The following PITPNM2 variants were observed in gnomAD, a reference collection of about 807,000 sequenced individuals.
The protein encoded by PITPNM2 is membrane-associated phosphatidylinositol transfer protein 2.
Under a neutral mutation model 132.2 loss-of-function variants are expected in PITPNM2, and 35 were observed. That is an observed-to-expected ratio of 0.26 (90% CI 0.20 to 0.35). The LOEUF is 0.35. PITPNM2 is among the 10% of genes least tolerant of loss of function. The pLI, the probability that PITPNM2 is intolerant of heterozygous loss-of-function variation, is 1.00. For synonymous variants in PITPNM2, 738 were observed against 799.2 expected, an observed-to-expected ratio of 0.92 and a Z score of 1.29; for missense variants, 1,332 against 1,912.0, an observed-to-expected ratio of 0.70 and a Z score of 5.66.
intron 1 of PITPNM2, among the ~76,000 whole-genome samples, chr12:123,114,527 C>T (rs961901589): frequency 1.3e-5 from 2 of 150,464 alleles, no homozygotes; most frequent in Admixed American, 1.3e-4. Context: ...TGAGCACAGT[C>T]CAAGTGCCAT....
In PITPNM2 at chr12:122,993,951, G is replaced by A. The variant is rs1039466623; in HGVS notation, c.2233+850C>T. Among the ~76,000 whole-genome samples the A allele has an allele frequency of 5.3e-5, 8 of 151,778 alleles. No homozygotes were observed. The highest frequency in any genetic ancestry group is 7.4e-5 in the Non-Finnish European group (5 of 67,962). ...TGCAATGGCACAATCTTGGCTCACC[G>A]CAACCTCCGCCCTCCCGTGTTCAGG... On this transcript the variant is annotated intron_variant, in intron 15 of 25. Coordinates refer to ENST00000320201, the MANE Select transcript of PITPNM2 (RefSeq NM_020845.3). The surrounding 1 kb of genome is among the most constrained non-coding windows in gnomAD (Gnocchi z 5.2).
chr12:123,072,713 A>C (rs1193712522), intron 2 of PITPNM2, among the ~76,000 whole-genome samples: 3 of 152,264 alleles, frequency 2.0e-5, no homozygotes, highest in Non-Finnish European at 4.4e-5. Flanking sequence ...TTCATCTGAA[A>C]GGGGCTTTCA....
intron 2 of PITPNM2, chr12:123,084,517 C>A (rs1398719894): frequency 6.6e-6 from 1 of 152,300 alleles, no homozygotes; most frequent in Non-Finnish European, 1.5e-5. Context: ...CAACTTTGAA[C>A]ATTTGCCACT....
intron 16 of PITPNM2, chr12:122,991,617 C>A (rs1455043616): frequency 8.3e-6 from 8 of 964,808 alleles, no homozygotes; most frequent in Non-Finnish European, 6.7e-6. Flanking sequence ...CCAGAGCCGT[C>A]CTGCCCAAGT....
intron 3 of PITPNM2, among the ~76,000 whole-genome samples, chr12:123,017,005 C>T (rs2039451912): frequency 6.7e-6 from 1 of 149,276 alleles, no homozygotes; most frequent in African/African-American, 2.5e-5. Flanking sequence ...GAGATTGTGC[C>T]ACTGCACTCC....
intron 1 of PITPNM2, among the ~76,000 whole-genome samples, chr12:123,112,431 C>T (rs1020683082): frequency 5.3e-5 from 8 of 152,100 alleles, no homozygotes; most frequent in Non-Finnish European, 1.2e-4. Context: ...AGTCACAGTC[C>T]TGGAGGGGAG....
intron 6 of PITPNM2, among the ~76,000 whole-genome samples, chr12:123,006,628 G>A (rs951068818): frequency 2.0e-5 from 3 of 150,518 alleles, no homozygotes; most frequent in African/African-American, 7.3e-5. Flanking sequence ...TGGGGGGATC[G>A]CTTGAGCCCA....
Position 122,986,703 on chromosome 12 carries a change from G to A in PITPNM2, c.3540C>T (p.Gly1180=), listed in dbSNP as rs371535734. The change falls in exon 24 of 26, where the codon GGC becomes GGT. Residue 1180 remains glycine (G), a synonymous_variant. Coordinates refer to ENST00000320201, the MANE Select transcript of PITPNM2 (RefSeq NM_020845.3). ...TGTGCCGCAGCGGGTCATGCACCAG[G>A]CCGTCACAGAAGGACACCACGCCAT... ...FPHGVVSFCD[G]LVHDPLRHKA... is the part of the protein sequence containing the mutation. 5.0e-6 allele frequency: 8 copies of A among 1,613,398 alleles called. No homozygotes were observed. The highest frequency in any genetic ancestry group is 5.9e-6 in the Non-Finnish European group (7 of 1,180,008).
At chr12:123,070,738 C>T (rs563566591) in intron 2 of PITPNM2, among the ~76,000 whole-genome samples, 1 of 152,312 alleles carries the variant, frequency 6.6e-6, no homozygotes, top group Non-Finnish European at 1.5e-5. Flanking sequence ...CTTAGGCCTG[C>T]CCCCCATGCC....
In PITPNM2 at chr12:122,995,341, C is replaced by A. The variant is rs769632064; in HGVS notation, c.2054+48G>T. The A allele has an allele frequency of 1.4e-5, 22 of 1,539,344 alleles. 1 individual carries two copies. In the South Asian group the frequency reaches 2.4e-4, roughly 17 times the overall value. On this transcript the variant is annotated intron_variant, in intron 14 of 25. Coordinates refer to ENST00000320201, the MANE Select transcript of PITPNM2 (RefSeq NM_020845.3). ...CAGGGGATGTTCCTCCCTCTTGGAG[C>A]CTCTTCCCACACCCAGAGGCAAGCC...
chr12:122,987,409 G>A lies in PITPNM2; in HGVS notation c.3285C>T (p.Asp1095=), dbSNP rs759187464. 2.5e-6 allele frequency: 4 copies of A among 1,613,752 alleles called. No homozygotes were observed. The highest frequency in any genetic ancestry group is 3.4e-6 in the Non-Finnish European group (4 of 1,180,018). The change falls in exon 23 of 26, where the codon GAC becomes GAT. Residue 1095 remains aspartate, a synonymous_variant. Coordinates refer to ENST00000320201, the MANE Select transcript of PITPNM2 (RefSeq NM_020845.3). ...CCTTGGGCAGCACGGTGATGTAGCT[G>A]TCGGCAAACGTGTGGTCTCCCCTGG... The part of the protein sequence containing the change: ...MVVRGDHTFA[D]SYITVLPKGT...
Position 123,001,172 on chromosome 12 carries a change from AG to A in PITPNM2, c.1049-15del. ...CGGACAGGTCCTCTGGAGAGGAGAG[AG>A]GGAAACTCAGGTGGGACTGGGAACG... On this transcript the variant is annotated splice_polypyrimidine_tract_variant and intron_variant, in intron 8 of 25. Transcript: ENST00000320201. 6.2e-7 allele frequency: 1 copy of A among 1,604,780 alleles called. No homozygotes were observed. The highest frequency in any genetic ancestry group is 8.5e-7 in the Non-Finnish European group (1 of 1,171,568).
intron 1 of PITPNM2, among the ~76,000 whole-genome samples, chr12:123,130,855 C>T (rs1195225011): frequency 6.6e-6 from 1 of 152,138 alleles, no homozygotes; most frequent in Non-Finnish European, 1.5e-5. Context: ...GTAATTGCTT[C>T]TACCTGAAAA....
chr12:123,104,604 C>T (rs530248273), intron 2 of PITPNM2, among the ~76,000 whole-genome samples: 4 of 152,138 alleles, frequency 2.6e-5, no homozygotes, highest in Admixed American at 6.5e-5. Context: ...TTGCGACCCC[C>T]ACTCCTGCCC....
At chr12:123,110,797 C>G (rs1272914624) in intron 1 of PITPNM2, among the ~76,000 whole-genome samples, 1 of 152,204 alleles carries the variant, frequency 6.6e-6, no homozygotes, top group East Asian at 1.9e-4. Flanking sequence ...TCAAAGGCCC[C>G]TGGAGCTCTG....
intron 2 of PITPNM2, among the ~76,000 whole-genome samples, chr12:123,104,137 T>C (rs2042633320): frequency 6.6e-6 from 1 of 152,202 alleles, no homozygotes; most frequent in Admixed American, 6.5e-5. Flanking sequence ...TTAATCAGGC[T>C]GAAGCCTGGT....
chr12:123,027,483 A>G (rs1047552644), intron 3 of PITPNM2, among the ~76,000 whole-genome samples: 4 of 152,246 alleles, frequency 2.6e-5, no homozygotes, highest in African/African-American at 7.2e-5. Flanking sequence ...GCAGACTGGT[A>G]TCATTAGGCC....
chr12:123,136,465 C>T (rs2043384890), intron 1 of PITPNM2, among the ~76,000 whole-genome samples: 1 of 152,208 alleles, frequency 6.6e-6, no homozygotes, highest in Non-Finnish European at 1.5e-5. Context: ...CTCAGCTTAT[C>T]TTCCATGTAA....
At chr12:123,145,958 T>C (rs1437399439) in intron 1 of PITPNM2, among the ~76,000 whole-genome samples, 1 of 152,156 alleles carries the variant, frequency 6.6e-6, no homozygotes, top group Non-Finnish European at 1.5e-5. Context: ...ACACATAGTA[T>C]AGAATACTAT....
Sources: gnomAD v4.1 joint callset for allele counts (sites outside exome capture counted in the v4.1 genomes callset) on GRCh38, gnomAD v4.1.1 for gene constraint, Gnocchi (gnomAD v3.1) non-coding constraint, MANE v1.5 for transcripts, NCBI Gene and HGNC (gene_info 2026-07-23, HGNC 2026-07-21) for gene names.